Variants in PHF14 observed in about 807,000 individuals in gnomAD.
PHF14 encodes the protein PHD finger protein 14.
PHF14 carries 55 observed loss-of-function variants against 117.9 expected under a neutral mutation model. The observed-to-expected ratio is 0.47, with a 90% CI of 0.38 to 0.58. PHF14 has a LOEUF of 0.58. Ranked by LOEUF, PHF14 falls within the 20% of genes least tolerant of loss-of-function variation. PHF14 has a pLI of 0.00. For missense variants in PHF14, 978 were observed against 1,122.2 expected (o/e 0.87, Z 1.84); for synonymous variants, 409 against 368.6 (o/e 1.11, Z -1.26).
chr7:11,033,497 A>G (rs990038352), intron 7 of PHF14, among the ~76,000 whole-genome samples: 3 of 152,214 alleles, frequency 2.0e-5, no homozygotes, highest in Non-Finnish European at 4.4e-5. Context: ...CTTATTGGCC[A>G]GAACTTAATC....
chr7:11,003,222 A>G (rs1006751957), intron 4 of PHF14, among the ~76,000 whole-genome samples: 8 of 152,220 alleles, frequency 5.3e-5, no homozygotes, highest in African/African-American at 9.6e-5. Context: ...ATATCTGTTC[A>G]TATTATTTTC....
At chr7:11,079,713 C>T (rs1044654562) in intron 16 of PHF14, among the ~76,000 whole-genome samples, 2 of 152,078 alleles carry the variant, frequency 1.3e-5, no homozygotes, top group African/African-American at 4.8e-5. Context: ...ATGTTAGGAA[C>T]ATGGCTTTTC....
At chr7:11,153,607 T>TA (rs2128354699) in intron 17 of PHF14, among the ~76,000 whole-genome samples, 2 of 152,278 alleles carry the variant, frequency 1.3e-5, no homozygotes, top group East Asian at 3.9e-4. Flanking sequence ...AGATGACTAT[T>TA]ATCAAAGGAT....
chr7:11,029,302 G>A (rs1026653677), intron 7 of PHF14, among the ~76,000 whole-genome samples: 1 of 151,972 alleles, frequency 6.6e-6, no homozygotes, highest in Admixed American at 6.6e-5. Context: ...GTTGTTTTCA[G>A]TGTTTGGGGA....
chr7:11,034,218 G>A (rs1257265335), intron 7 of PHF14, among the ~76,000 whole-genome samples: 2 of 151,186 alleles, frequency 1.3e-5, no homozygotes, highest in Non-Finnish European at 2.9e-5. Flanking sequence ...TCTTTGGGTT[G>A]TAAAACTCTA....
At chr7:11,158,452 C>T (rs1788928294) in intron 17 of PHF14, among the ~76,000 whole-genome samples, 1 of 152,102 alleles carries the variant, frequency 6.6e-6, no homozygotes. Flanking sequence ...ACATACTATA[C>T]ATTACTAGTG....
chr7:11,004,246 C>CAAAAAAAAAAAAAAAAA (rs55917513), intron 4 of PHF14, among the ~76,000 whole-genome samples: 12 of 51,282 alleles, frequency 2.3e-4, no homozygotes, highest in African/African-American at 8.6e-4. Flanking sequence ...GACTTTGTCT[C>CAAAAAAAAAAAAAAAAA]AAAAAAAAAA....
At chr7:11,156,770 G>T (rs2128355691) in intron 17 of PHF14, among the ~76,000 whole-genome samples, 1 of 152,142 alleles carries the variant, frequency 6.6e-6, no homozygotes, top group East Asian at 1.9e-4. Flanking sequence ...TTCCAGCCTG[G>T]TCATAGAGCG....
At chr7:11,024,061 C>G (rs1379182512) in intron 6 of PHF14, among the ~76,000 whole-genome samples, 1 of 152,156 alleles carries the variant, frequency 6.6e-6, no homozygotes, top group Non-Finnish European at 1.5e-5. Flanking sequence ...AAGTGCTACT[C>G]CAGCAAACAC....
intron 17 of PHF14, among the ~76,000 whole-genome samples, chr7:11,159,974 T>A (rs1388515566): frequency 1.3e-5 from 2 of 152,124 alleles, no homozygotes; most frequent in Admixed American, 6.6e-5. Flanking sequence ...ATAGGTATAT[T>A]GTGTGATGCT....
chr7:11,006,214 C>G (rs1015084677), intron 4 of PHF14, among the ~76,000 whole-genome samples: 1 of 152,078 alleles, frequency 6.6e-6, no homozygotes, highest in Non-Finnish European at 1.5e-5. Context: ...TTCTTTTATT[C>G]TTTTGGATAT....
chr7:11,143,419 C>G (rs1222730767), intron 17 of PHF14, among the ~76,000 whole-genome samples: 1 of 151,832 alleles, frequency 6.6e-6, no homozygotes, highest in Non-Finnish European at 1.5e-5. Flanking sequence ...CCATGCCCAG[C>G]CAATTTTTTT....
chr7:11,023,573 T>C lies in PHF14; in HGVS notation c.1317+594T>C, dbSNP rs1045949997. On this transcript the variant is annotated intron_variant, in intron 6 of 17. Coordinates refer to ENST00000634607, the MANE Select transcript of PHF14 (RefSeq NM_001007157.2). ...TAGGGCTGGGTGCTCACGCCTGTTA[T>C]CCCAGCACTTCGGGAGGCCAAGGTG... Among the ~76,000 whole-genome samples the C allele has an allele frequency of 2.6e-5, 4 of 152,220 alleles. No individual in the cohort carries two copies. The South Asian group carries it at 8.3e-4, about 31-fold the overall frequency.
chr7:10,973,897 G>T lies in PHF14; in HGVS notation c.-427G>T. 1 of 171,458 alleles carries T rather than the reference G, an allele frequency of 5.8e-6. No individual in the cohort carries two copies. Among genetic ancestry groups the T allele is most frequent in the Non-Finnish European group, 1.3e-5 (1 of 79,304 alleles). The allele number at this position is 171,458 out of a possible 1,614,324, so 10.6% of individuals were successfully genotyped here. On this transcript the variant is annotated 5_prime_UTR_variant, in exon 1 of 18. Coordinates refer to ENST00000634607, the MANE Select transcript of PHF14 (RefSeq NM_001007157.2). Reference sequence around the variant, plus strand: ...ACTTCCTTTTCAGAGCTGTATCCGGGTCGCTGCTTTCCCTATTGTCTGAGG... The same window carrying T: ...ACTTCCTTTTCAGAGCTGTATCCGGTTCGCTGCTTTCCCTATTGTCTGAGG...
At chr7:11,062,150 G>GA (rs1483388755) in intron 16 of PHF14, 65 bp downstream of exon 16, 55 of 1,327,658 alleles carry the variant, frequency 4.1e-5, no homozygotes, top group Non-Finnish European at 5.0e-5. Context: ...TCTCATCACA[G>GA]AAAAAATGAA....
At chr7:11,080,329 A>G (rs1405216706) in intron 16 of PHF14, among the ~76,000 whole-genome samples, 3 of 152,158 alleles carry the variant, frequency 2.0e-5, no homozygotes, top group Non-Finnish European at 4.4e-5. Context: ...CTCACTTTAA[A>G]AAATGTATTG....
intron 16 of PHF14, among the ~76,000 whole-genome samples, chr7:11,097,652 G>A (rs1786928619): frequency 6.6e-6 from 1 of 152,186 alleles, no homozygotes; most frequent in South Asian, 2.1e-4. Flanking sequence ...CACAGTTAAT[G>A]CTAGAGGCAG....
chr7:11,076,194 G>A (rs373716449), intron 16 of PHF14, among the ~76,000 whole-genome samples: 2 of 152,160 alleles, frequency 1.3e-5, no homozygotes, highest in African/African-American at 4.8e-5. Context: ...CAGAGTCCAT[G>A]GTTTTAACCT....
chr7:11,033,120 G>T (rs1784178416), intron 7 of PHF14, among the ~76,000 whole-genome samples: 1 of 152,200 alleles, frequency 6.6e-6, no homozygotes, highest in African/African-American at 2.4e-5. Flanking sequence ...CTTCCACTGG[G>T]AGTAGGATCT....
Sources: gnomAD v4.1 joint callset for allele counts (sites outside exome capture counted in the v4.1 genomes callset) on GRCh38, gnomAD v4.1.1 for gene constraint, MANE v1.5 for transcripts, NCBI Gene and HGNC (gene_info 2026-07-23, HGNC 2026-07-21) for gene names.